The following CFAP99 variants were observed in gnomAD, a reference collection of about 807,000 sequenced individuals.
The protein encoded by CFAP99 is cilia and flagella associated protein 99.
In CFAP99, 84 loss-of-function variants were observed where a neutral mutation model predicts 82.7. The observed-to-expected ratio is 1.02, with a 90% CI of 0.85 to 1.22. The LOEUF (loss-of-function observed/expected upper bound fraction) is 1.22, where lower values mean the gene tolerates loss of function less well. Among genes scored for constraint, CFAP99 ranks in the 50% most tolerant of loss-of-function variants. The probability of loss-of-function intolerance (pLI) is 0.00; values close to 1 mark genes in which losing one functional copy is unlikely to be tolerated. For missense variants in CFAP99, 1,059 were observed against 983.5 expected (o/e 1.08, Z -1.03); for synonymous variants, 456 against 429.5 (o/e 1.06, Z -0.76).
Position 2,462,420 on chromosome 4 carries a change from G to GTCGGCC in CFAP99, c.1662-23_1662-22insTCGGCC. ...CTGGGCCTCCCGCCGGCCTGCTCCT[G>GTCGGCC]AGCCCGCCGCGTCGCCCGCCAGGTG... On this transcript the variant is annotated intron_variant, in intron 14 of 14. Transcript: ENST00000635017. The surrounding 1 kb of genome is among the most constrained non-coding windows in gnomAD (Gnocchi z 4.1). The GTCGGCC allele has an allele frequency of 7.1e-7, 1 of 1,411,540 alleles. No individual in the cohort carries two copies. Among genetic ancestry groups the GTCGGCC allele is most frequent in the Non-Finnish European group, 9.1e-7 (1 of 1,096,220 alleles). 87.4% of individuals were successfully genotyped at this position (1,411,540 alleles called of 1,614,324 possible).
chr4:2,432,923 G>T (rs1733827021), intron 2 of CFAP99, among the ~76,000 whole-genome samples: 1 of 152,176 alleles, frequency 6.6e-6, no homozygotes, highest in Non-Finnish European at 1.5e-5. Context: ...ATCTCTGCTG[G>T]CCTGGTCAGA....
intron 1 of CFAP99, among the ~76,000 whole-genome samples, chr4:2,421,586 T>C (rs905493371): frequency 6.6e-6 from 1 of 152,136 alleles, no homozygotes; most frequent in Non-Finnish European, 1.5e-5. Context: ...TGATCTCAAG[T>C]GATCTGCCCG....
At chr4:2,445,210 G>C in exon 6 of CFAP99, 2 of 1,462,866 alleles carry the variant, frequency 1.4e-6, no homozygotes, top group Non-Finnish European at 1.8e-6. Flanking sequence ...AAAGACCAAG[G>C]CCAAGGTCAC....
At chr4:2,426,725 A>G in intron 2 of CFAP99, 139 bp downstream of exon 2, 1 of 641,148 alleles carries the variant, frequency 1.6e-6, no homozygotes, top group Non-Finnish European at 2.8e-6. Flanking sequence ...TTCCACAGAG[A>G]CCTGCTCTTC....
At position 2,446,365 on chromosome 4, in the gene CFAP99, GTTGTTATTATTA is replaced by G. The variant is rs1436664170; in HGVS notation, c.642+1060_642+1071del. ...TCTCTTTTTATTTCATTTTATTATT[GTTGTTATTATTA>G]TTATTATTATTATTATTATTATTAT... On this transcript the variant is annotated intron_variant, in intron 6 of 14. Coordinates refer to ENST00000635017, the Ensembl canonical transcript of CFAP99. This position sits in a 1 kb window ranked among gnomAD's most constrained non-coding sequence, Gnocchi z 5.0. 4.8e-5 allele frequency among the ~76,000 whole-genome samples: 7 copies of G among 144,992 alleles called. No homozygotes were observed. The highest frequency in any genetic ancestry group is 1.6e-4 in the African/African-American group (6 of 38,242).
At chr4:2,453,932 G>A (rs1354523691) in intron 11 of CFAP99, among the ~76,000 whole-genome samples, 1 of 151,034 alleles carries the variant, frequency 6.6e-6, no homozygotes, top group African/African-American at 2.4e-5. Flanking sequence ...TCCTGCCTCA[G>A]TCTCCTGAGT....
chr4:2,440,611 G>C (rs1252759270), intron 4 of CFAP99, among the ~76,000 whole-genome samples: 7 of 151,374 alleles, frequency 4.6e-5, no homozygotes, highest in Non-Finnish European at 1.5e-5. Context: ...TTTTTCTTTT[G>C]AGGTGGAGTC....
chr4:2,462,632 C>T lies in CFAP99; in HGVS notation c.1851C>T (p.Pro617=), dbSNP rs1206400005. ...TGAGTCCGGATTGGTGGGAGGAGCC[C>T]GGGCGACTGAAAGCCGGGGCCGGGT... The change falls in exon 15 of 15, where the codon CCC becomes CCT. Residue 617 remains proline, a synonymous_variant. Transcript: ENST00000635017. This position sits in a 1 kb window ranked among gnomAD's most constrained non-coding sequence, Gnocchi z 4.1. 7.6e-7 allele frequency: 1 copy of T among 1,310,786 alleles called. No homozygotes were observed. Among genetic ancestry groups the T allele is most frequent in the Non-Finnish European group, 9.7e-7 (1 of 1,032,780 alleles). 81.2% of individuals were successfully genotyped at this position (1,310,786 alleles called of 1,614,324 possible). A position where few individuals can be genotyped will look rare whatever the true frequency, so the allele number is the denominator to read the frequency against.
At chr4:2,452,204 T>C in exon 11 of CFAP99, 1 of 1,536,106 alleles carries the variant, frequency 6.5e-7, no homozygotes, top group Non-Finnish European at 8.7e-7. Flanking sequence ...CAGAAGAAGA[T>C]GCAGGCGAAG....
In CFAP99 at chr4:2,460,019, T is replaced by A. The variant is rs1026391204; in HGVS notation, c.1456-18T>A. The A allele has an allele frequency of 6.5e-7, 1 of 1,534,818 alleles. No homozygotes were observed. The highest frequency in any genetic ancestry group is 2.0e-5 in the Admixed American group (1 of 50,980). On this transcript the variant is annotated intron_variant, in intron 13 of 14. Coordinates refer to ENST00000635017, the Ensembl canonical transcript of CFAP99. ...CCAGCACAGCTCCCAGCTTGGGGCC[T>A]CCCCTACCACCCCACAGATCCCCGG... is the stretch of plus-strand genomic sequence containing the variant.
chr4:2,451,593 C>T (rs925743210), intron 10 of CFAP99, among the ~76,000 whole-genome samples: 9 of 152,104 alleles, frequency 5.9e-5, no homozygotes, highest in African/African-American at 2.2e-4. Flanking sequence ...TTAGCAAAGG[C>T]CCAACCCACA....
intron 2 of CFAP99, among the ~76,000 whole-genome samples, chr4:2,434,544 T>C (rs1733871212): frequency 6.6e-6 from 1 of 152,188 alleles, no homozygotes; most frequent in Non-Finnish European, 1.5e-5. Context: ...AACCTTGTGC[T>C]TAAAGCCGTT....
intron 1 of CFAP99, among the ~76,000 whole-genome samples, chr4:2,423,480 G>A (rs750194559): frequency 6.6e-5 from 10 of 152,188 alleles, no homozygotes; most frequent in South Asian, 2.1e-4. Context: ...AAATCCCCAC[G>A]CCAGAGACTC....
intron 3 of CFAP99, among the ~76,000 whole-genome samples, chr4:2,437,777 C>A (rs1322516178): frequency 6.6e-6 from 1 of 152,202 alleles, no homozygotes; most frequent in African/African-American, 2.4e-5. Context: ...TTCAGCTGCT[C>A]AGAAATTGAC....
chr4:2,447,367 T>C (rs970897295), intron 6 of CFAP99, among the ~76,000 whole-genome samples: 1 of 150,768 alleles, frequency 6.6e-6, no homozygotes, highest in Non-Finnish European at 1.5e-5. Context: ...GATGGATGGA[T>C]GATTGGATGA....
chr4:2,438,302 G>A (rs1048815146), intron 4 of CFAP99, 138 bp downstream of exon 4: 11 of 610,310 alleles, frequency 1.8e-5, no homozygotes, highest in Middle Eastern at 4.1e-4. Flanking sequence ...TCACTCTGTC[G>A]CCCAGGCTGG....
chr4:2,440,306 C>T (rs1425133584), intron 4 of CFAP99, among the ~76,000 whole-genome samples: 2 of 148,510 alleles, frequency 1.3e-5, no homozygotes, highest in East Asian at 4.1e-4. Flanking sequence ...GCCACTACGC[C>T]CGGCTAATTT....
Position 2,448,253 on chromosome 4 carries a change from T to C in CFAP99, c.643-1417T>C, listed in dbSNP as rs1473580367. 6.6e-6 allele frequency among the ~76,000 whole-genome samples: 1 copy of C among 152,212 alleles called. No individual in the cohort carries two copies. The highest frequency in any genetic ancestry group is 1.5e-5 in the Non-Finnish European group (1 of 68,036). On this transcript the variant is annotated intron_variant, in intron 6 of 14. Coordinates refer to ENST00000635017, the Ensembl canonical transcript of CFAP99. The surrounding 1 kb of genome is among the most constrained non-coding windows in gnomAD (Gnocchi z 5.2). Reference sequence around the variant, plus strand: ...GGCTCAGTGTGTTTGTCTCAGGTCATGCTGCCAACTTCATCTCTCTCTCTG... The same window carrying C: ...GGCTCAGTGTGTTTGTCTCAGGTCACGCTGCCAACTTCATCTCTCTCTCTG...
At chr4:2,443,106 C>G (rs1734086657) in intron 4 of CFAP99, 24 bp from the exon 5 acceptor site, 2 of 1,357,124 alleles carry the variant, frequency 1.5e-6, no homozygotes, top group African/African-American at 2.9e-5. Context: ...GCTCCGGCCC[C>G]CTGACAGCCC....
Sources: allele counts gnomAD v4.1 joint callset (sites outside exome capture counted in the v4.1 genomes callset), GRCh38; gene constraint gnomAD v4.1.1; non-coding constraint Gnocchi (gnomAD v3.1); transcripts MANE v1.5; gene names NCBI Gene and HGNC (gene_info 2026-07-23, HGNC 2026-07-21).